Variants in ZNF608 observed in about 807,000 individuals in gnomAD.
ZNF608 encodes renal carcinoma antigen NY-REN-36.
ZNF608 carries 12 observed loss-of-function variants against 109.0 expected under a neutral mutation model. The observed-to-expected ratio is 0.11, with a 90% CI of 0.07 to 0.18. ZNF608 has a LOEUF of 0.18. Among genes scored for constraint, ZNF608 ranks in the 10% least tolerant of loss-of-function variants. The pLI is 1.00. For synonymous variants in ZNF608, 732 were observed against 717.4 expected, an observed-to-expected ratio of 1.02 and a Z score of -0.33; for missense variants, 1,707 against 1,879.3, an observed-to-expected ratio of 0.91 and a Z score of 1.70.
chr5:124,649,710 G>T lies in ZNF608; in HGVS notation c.1163-13C>A. 6.4e-7 allele frequency: 1 copy of T among 1,551,808 alleles called. No homozygotes were observed. The highest frequency in any genetic ancestry group is 8.8e-7 in the Non-Finnish European group (1 of 1,140,878). On this transcript the variant is annotated splice_polypyrimidine_tract_variant and intron_variant, in intron 3 of 9. Coordinates refer to ENST00000513986, the MANE Select transcript of ZNF608 (RefSeq NM_020747.3). ...ACCACTAGGACACCTGCAGGAGGCA[G>T]GGGATGAAAAAGGATCATAGTTACC...
Position 124,746,472 on chromosome 5 carries a change from G to GT in ZNF608, c.-462dup, listed in dbSNP as rs898521043. ...CACATTCACAACAGAAGCACCAAAG[G>GT]TTTTTTTTTCCTCTTAACAAGCATC... On this transcript the variant is annotated 5_prime_UTR_variant, in exon 1 of 10. The change abolishes the stop of an existing upstream ORF in the 5' untranslated region. Coordinates refer to ENST00000513986, the MANE Select transcript of ZNF608 (RefSeq NM_020747.3). The GT allele has an allele frequency of 2.6e-4, 257 of 981,710 alleles. No homozygotes were observed. In the African/African-American group the frequency reaches 2.7e-3, roughly 10 times the overall value. 60.8% of individuals were successfully genotyped at this position (981,710 alleles called of 1,614,324 possible). A position where few individuals can be genotyped will look rare whatever the true frequency, so the allele number is the denominator to read the frequency against.
intron 9 of ZNF608, among the ~76,000 whole-genome samples, chr5:124,638,114 C>G (rs1486242189): frequency 6.6e-6 from 1 of 152,024 alleles, no homozygotes; most frequent in Non-Finnish European, 1.5e-5. Flanking sequence ...CCATGCCTGG[C>G]TAATTTTATG....
At chr5:124,681,950 T>G (rs1392752532) in intron 3 of ZNF608, among the ~76,000 whole-genome samples, 1 of 152,238 alleles carries the variant, frequency 6.6e-6, no homozygotes, top group Non-Finnish European at 1.5e-5. Context: ...AAAATGATTT[T>G]CAACCAAGTC....
chr5:124,684,547 G>A lies in ZNF608; in HGVS notation c.1162+16467C>T, dbSNP rs559541999. The stretch of plus-strand genomic sequence containing the variant: ...TATTTAGGTTATATAAAATGCATTA[G>A]TTTTCACAGTGGATGGGGGATAATG... On this transcript the variant is annotated intron_variant, in intron 3 of 9. Coordinates refer to ENST00000513986, the MANE Select transcript of ZNF608 (RefSeq NM_020747.3). Among the ~76,000 whole-genome samples, 3 of 152,264 alleles carry A rather than the reference G, an allele frequency of 2.0e-5. No homozygotes were observed. In the South Asian group the frequency reaches 6.2e-4, roughly 32 times the overall value.
rs750934409 is a variant in ZNF608 at position 124,648,980 on chromosome 5, T to C, written c.1404A>G (p.Lys468=). 4 of 1,614,182 alleles carry C rather than the reference T, an allele frequency of 2.5e-6. No homozygotes were observed. Among genetic ancestry groups the C allele is most frequent in the Non-Finnish European group, 3.4e-6 (4 of 1,180,028 alleles). The change falls in exon 5 of 10, where the codon AAA becomes AAG. Residue 468 remains lysine (K), a synonymous_variant. Transcript: ENST00000513986. ...TGGCATTGAGGCTGCCCCGCCTCCC[T>C]TTCCCATTGGCCCCCCCTCTGTTCT... ...QNKNRGGANG[K]GRRGSLNASG... is the part of the protein sequence containing the mutation.
At chr5:124,645,537 C>G (rs1458371849) in intron 5 of ZNF608, among the ~76,000 whole-genome samples, 1 of 151,866 alleles carries the variant, frequency 6.6e-6, no homozygotes, top group Non-Finnish European at 1.5e-5. Flanking sequence ...GGTTCTTGCT[C>G]TAATGCACCA....
chr5:124,701,557 C>T (rs1019704510), intron 2 of ZNF608, among the ~76,000 whole-genome samples: 2 of 152,182 alleles, frequency 1.3e-5, no homozygotes, highest in Non-Finnish European at 2.9e-5. Context: ...TTAGCCTCAG[C>T]AGACGTGAAT....
chr5:124,656,652 C>A (rs1751021937), intron 3 of ZNF608, among the ~76,000 whole-genome samples: 1 of 152,074 alleles, frequency 6.6e-6, no homozygotes, highest in African/African-American at 2.4e-5. Flanking sequence ...TTCTACTCTG[C>A]ATTTTAAAAC....
intron 2 of ZNF608, among the ~76,000 whole-genome samples, chr5:124,741,875 G>A (rs1034118252): frequency 1.4e-4 from 21 of 152,102 alleles, no homozygotes; most frequent in South Asian, 6.2e-4. Flanking sequence ...CTGAGCCAAC[G>A]CCCAACTTGA....
At position 124,665,183 on chromosome 5, in the gene ZNF608, A is replaced by C. The variant is rs867831620; in HGVS notation, c.1163-15486T>G. On this transcript the variant is annotated intron_variant, in intron 3 of 9. Transcript: ENST00000513986. The stretch of plus-strand genomic sequence containing the variant: ...AGAGGGAGACTCCACCTCCCCCCAA[A>C]AAAAAAAAAAAATACCATGTTCAGT... Among the ~76,000 whole-genome samples the C allele has an allele frequency of 1.4e-3, 192 of 138,408 alleles. No individual in the cohort carries two copies. In the Middle Eastern group the frequency reaches 0.018, roughly 13 times the overall value. The allele number at this position is 138,408 out of a possible 152,430, so 90.8% of individuals were successfully genotyped here. A position where few individuals can be genotyped will look rare whatever the true frequency, so the allele number is the denominator to read the frequency against.
At chr5:124,661,699 C>T (rs1252612527) in intron 3 of ZNF608, among the ~76,000 whole-genome samples, 2 of 152,144 alleles carry the variant, frequency 1.3e-5, no homozygotes, top group African/African-American at 4.8e-5. Context: ...CCAGCCTGCT[C>T]GGTGTCACTG....
chr5:124,692,103 A>T (rs571398915), intron 3 of ZNF608, among the ~76,000 whole-genome samples: 1 of 152,340 alleles, frequency 6.6e-6, no homozygotes, highest in East Asian at 1.9e-4. Context: ...AAGTATGTCA[A>T]ATATTTTGTT....
At chr5:124,662,985 T>C (rs1420044604) in intron 3 of ZNF608, among the ~76,000 whole-genome samples, 2 of 152,198 alleles carry the variant, frequency 1.3e-5, no homozygotes, top group African/African-American at 2.4e-5. Context: ...ATGGCAAATA[T>C]CTGTGGGGAT....
intron 2 of ZNF608, among the ~76,000 whole-genome samples, chr5:124,734,089 C>A (rs1749035494): frequency 6.6e-6 from 1 of 152,140 alleles, no homozygotes; most frequent in South Asian, 2.1e-4. Context: ...GTGATGCGAT[C>A]AACATAACCA....
intron 3 of ZNF608, among the ~76,000 whole-genome samples, chr5:124,672,074 C>T (rs1161448233): frequency 9.2e-5 from 14 of 152,170 alleles, no homozygotes; most frequent in African/African-American, 3.4e-4. Flanking sequence ...GTCATTCTTT[C>T]CCTAAGAATT....
intron 3 of ZNF608, among the ~76,000 whole-genome samples, chr5:124,668,206 ATATATATATATTATATATATATATATTT>A (rs1368496636): frequency 2.8e-5 from 4 of 144,030 alleles, no homozygotes; most frequent in Non-Finnish European, 4.5e-5. Flanking sequence ...ATATATATAT[ATATATATATATTATATATATATATATTT>A]TATATATATC....
At chr5:124,646,259 G>T (rs1329523898) in intron 5 of ZNF608, among the ~76,000 whole-genome samples, 3 of 152,180 alleles carry the variant, frequency 2.0e-5, no homozygotes, top group Non-Finnish European at 2.9e-5. Context: ...TACTCAGGAG[G>T]CTGACGCAGG....
intron 2 of ZNF608, among the ~76,000 whole-genome samples, chr5:124,722,202 T>A (rs1207839152): frequency 3.3e-5 from 5 of 152,092 alleles, no homozygotes; most frequent in Non-Finnish European, 7.4e-5. Context: ...CTAGAAGAGA[T>A]GACCTGCATA....
intron 3 of ZNF608, among the ~76,000 whole-genome samples, chr5:124,662,677 A>G (rs1751313036): frequency 6.6e-6 from 1 of 152,244 alleles, no homozygotes; most frequent in Admixed American, 6.5e-5. Flanking sequence ...TTTTCCAGAA[A>G]GTAATGCACT....
Sources: gnomAD v4.1 joint callset for allele counts (sites outside exome capture counted in the v4.1 genomes callset) on GRCh38, gnomAD v4.1.1 for gene constraint, MANE v1.5 for transcripts, NCBI Gene and HGNC (gene_info 2026-07-23, HGNC 2026-07-21) for gene names.